Variants in RBFOX1 observed in about 807,000 individuals in gnomAD.
RBFOX1 encodes the protein RNA binding protein fox-1 homolog 1.
In RBFOX1, 8 loss-of-function variants were observed where a neutral mutation model predicts 57.7. The observed-to-expected ratio is 0.14, with a 90% CI of 0.08 to 0.25. The LOEUF (loss-of-function observed/expected upper bound fraction) is 0.25. Among genes scored for constraint, RBFOX1 ranks in the 10% least tolerant of loss-of-function variants. The probability of loss-of-function intolerance (pLI) is 1.00; values close to 1 mark genes in which losing one functional copy is unlikely to be tolerated. For synonymous variants in RBFOX1, 326 were observed against 222.4 expected (o/e 1.47, Z -4.15); for missense variants, 611 against 548.5 (o/e 1.11, Z -1.14).
intron 2 of RBFOX1, among the ~76,000 whole-genome samples, chr16:6,423,042 C>T (rs1054233138): frequency 1.3e-5 from 2 of 152,094 alleles, no homozygotes; most frequent in African/African-American, 4.8e-5. Context: ...ACTACATTTT[C>T]TTTATCCAGG....
chr16:6,287,320 C>G (rs1211045846), intron 1 of RBFOX1, among the ~76,000 whole-genome samples: 1 of 152,154 alleles, frequency 6.6e-6, no homozygotes, highest in Non-Finnish European at 1.5e-5. Flanking sequence ...TCTATCTTGT[C>G]TATTTGTTCG....
chr16:7,175,439 G>A (rs1234848934), intron 4 of RBFOX1, among the ~76,000 whole-genome samples: 1 of 152,136 alleles, frequency 6.6e-6, no homozygotes, highest in South Asian at 2.1e-4. Flanking sequence ...GGGAGAAAGA[G>A]CTCCTCCCCC....
At chr16:7,063,607 G>C (rs1434027950) in intron 4 of RBFOX1, among the ~76,000 whole-genome samples, 2 of 152,120 alleles carry the variant, frequency 1.3e-5, no homozygotes, top group Admixed American at 6.5e-5. Flanking sequence ...AAAATGTTTT[G>C]ATGTCTCAGC....
At chr16:7,012,658 A>G (rs560133495) in intron 3 of RBFOX1, among the ~76,000 whole-genome samples, 38 of 152,318 alleles carry the variant, frequency 2.5e-4, no homozygotes, top group African/African-American at 9.1e-4. Flanking sequence ...TTTCTTTATT[A>G]TGGGACAATT....
At chr16:6,205,362 T>G (rs577900732) in intron 1 of RBFOX1, among the ~76,000 whole-genome samples, 10 of 152,344 alleles carry the variant, frequency 6.6e-5, no homozygotes, top group Admixed American at 5.9e-4. Context: ...GCATCAAAGC[T>G]GATAAGTCAC....
At chr16:5,778,923 G>T (rs1453104538) in intron 3 of RBFOX1, among the ~76,000 whole-genome samples, 1 of 152,090 alleles carries the variant, frequency 6.6e-6, no homozygotes, top group Non-Finnish European at 1.5e-5. Flanking sequence ...TATGTGTCTG[G>T]CATATAAAGC....
In RBFOX1 at chr16:7,004,942, G is replaced by A. The variant is rs564708000; in HGVS notation, c.-15-47115G>A. 1.2e-4 allele frequency among the ~76,000 whole-genome samples: 18 copies of A among 152,200 alleles called. 1 individual carries two copies. Among genetic ancestry groups the A allele is most frequent in the Admixed American group, 5.2e-4 (8 of 15,294 alleles). Reference sequence around the variant, plus strand: ...GCCGATCACTTGAGGTCAGGAGTTCGAGACCAGCTTGGCCAACATGGTGAA... The same window carrying A: ...GCCGATCACTTGAGGTCAGGAGTTCAAGACCAGCTTGGCCAACATGGTGAA... On this transcript the variant is annotated intron_variant, in intron 3 of 15. Coordinates refer to ENST00000550418, the MANE Select transcript of RBFOX1 (RefSeq NM_018723.4).
intron 4 of RBFOX1, chr16:7,332,961 A>C (rs548917553): frequency 7.4e-6 from 12 of 1,612,636 alleles, no homozygotes; most frequent in Admixed American, 3.3e-5. Flanking sequence ...CTCTCCATTG[A>C]TGTGTTGAGC....
chr16:7,132,433 GACACACACAC>G (rs36226659), intron 4 of RBFOX1, among the ~76,000 whole-genome samples: 14,245 of 144,726 alleles, frequency 0.098, 686 homozygotes, highest in East Asian at 0.15. Flanking sequence ...GTGATACACA[GACACACACAC>G]ACACACACAC....
At chr16:6,690,748 T>C (rs1223231247) in intron 3 of RBFOX1, among the ~76,000 whole-genome samples, 1 of 70,898 alleles carries the variant, frequency 1.4e-5, no homozygotes, top group Admixed American at 2.1e-4. Flanking sequence ...TTGGTTTCTT[T>C]TCTTTCTTTC....
chr16:6,699,166 G>C (rs920694040), intron 3 of RBFOX1, among the ~76,000 whole-genome samples: 1 of 152,116 alleles, frequency 6.6e-6, no homozygotes, highest in Admixed American at 6.5e-5. Flanking sequence ...CCCCTGTCAT[G>C]TCAGTTTTTA....
intron 3 of RBFOX1, among the ~76,000 whole-genome samples, chr16:5,683,643 G>A (rs1222398917): frequency 6.6e-6 from 1 of 151,742 alleles, no homozygotes; most frequent in African/African-American, 2.4e-5. Flanking sequence ...TTTAGTTCTG[G>A]GACTTGGACT....
intron 1 of RBFOX1, among the ~76,000 whole-genome samples, chr16:5,464,939 T>G (rs772441098): frequency 6.6e-6 from 1 of 152,072 alleles, no homozygotes; most frequent in Non-Finnish European, 1.5e-5. Context: ...GCACCTCCTT[T>G]AGGAGCTTGA....
chr16:6,366,271 C>T (rs1367560157), intron 2 of RBFOX1, among the ~76,000 whole-genome samples: 1 of 151,982 alleles, frequency 6.6e-6, no homozygotes, highest in East Asian at 1.9e-4. Context: ...TCTTGTTTTT[C>T]CCTTGCTTTT....
intron 2 of RBFOX1, among the ~76,000 whole-genome samples, chr16:5,578,185 C>T (rs754298069): frequency 1.3e-5 from 2 of 152,104 alleles, no homozygotes; most frequent in East Asian, 3.9e-4. Flanking sequence ...CTCTTGACCT[C>T]GTGATCCACC....
chr16:5,336,985 T>C (rs1342225760), intron 1 of RBFOX1, among the ~76,000 whole-genome samples: 1 of 152,218 alleles, frequency 6.6e-6, no homozygotes, highest in Non-Finnish European at 1.5e-5. Flanking sequence ...CTCCGGGAGA[T>C]TTAAGAGGTG....
intron 2 of RBFOX1, among the ~76,000 whole-genome samples, chr16:6,464,628 A>C (rs1385319109): frequency 6.6e-6 from 1 of 152,240 alleles, no homozygotes; most frequent in African/African-American, 2.4e-5. Context: ...CTACTTAATG[A>C]AGATTTAGCC....
intron 2 of RBFOX1, among the ~76,000 whole-genome samples, chr16:5,578,342 C>G (rs905596295): frequency 6.6e-6 from 1 of 152,074 alleles, no homozygotes; most frequent in Non-Finnish European, 1.5e-5. Context: ...CCAAAATTTA[C>G]TTGTTGGGTG....
intron 1 of RBFOX1, among the ~76,000 whole-genome samples, chr16:6,217,269 A>G (rs1460424936): frequency 6.6e-6 from 1 of 151,806 alleles, no homozygotes; most frequent in Non-Finnish European, 1.5e-5. Flanking sequence ...TGAGAACAAA[A>G]ATGTTGCCAA....
Sources: allele counts gnomAD v4.1 joint callset (sites outside exome capture counted in the v4.1 genomes callset), GRCh38; gene constraint gnomAD v4.1.1; transcripts MANE v1.5; gene names NCBI Gene and HGNC (gene_info 2026-07-23, HGNC 2026-07-21).